Variants in PATJ observed in about 807,000 individuals in gnomAD.
The protein encoded by PATJ is PATJ crumbs cell polarity complex component, also known as inaD-like protein.
A neutral mutation model predicts 224.9 loss-of-function variants in PATJ; 190 were observed. The ratio of observed to expected loss-of-function variants is 0.84; its 90% CI spans 0.75 to 0.95. PATJ has a LOEUF of 0.95. Ranked by LOEUF, PATJ falls within the 40% of genes least tolerant of loss-of-function variation. PATJ has a pLI of 0.00. For synonymous variants in PATJ, 769 were observed against 820.3 expected, an observed-to-expected ratio of 0.94 and a Z score of 1.07; for missense variants, 2,121 against 2,270.3, an observed-to-expected ratio of 0.93 and a Z score of 1.34.
chr1:61,830,893 A>G (rs1156970092), intron 16 of PATJ, among the ~76,000 whole-genome samples: 1 of 152,174 alleles, frequency 6.6e-6, no homozygotes, highest in East Asian at 1.9e-4. Flanking sequence ...ACATGGATTA[A>G]AGACTTAAAT....
At chr1:61,883,448 G>T (rs765275178) in intron 21 of PATJ, among the ~76,000 whole-genome samples, 24 of 152,032 alleles carry the variant, frequency 1.6e-4, no homozygotes, top group Non-Finnish European at 2.6e-4. Flanking sequence ...TTTGATGTGA[G>T]AATTAAATGA....
chr1:61,753,980 C>T (rs1293690522), intron 1 of PATJ, among the ~76,000 whole-genome samples: 1 of 152,128 alleles, frequency 6.6e-6, no homozygotes, highest in Non-Finnish European at 1.5e-5. Flanking sequence ...TAAAAAGCCA[C>T]AATATTATAA....
chr1:61,775,585 AT>A (rs968749974), intron 7 of PATJ, among the ~76,000 whole-genome samples: 1 of 151,984 alleles, frequency 6.6e-6, no homozygotes, highest in Non-Finnish European at 1.5e-5. Context: ...TCAGAGGACA[AT>A]TTTTTTTATT....
intron 4 of PATJ, among the ~76,000 whole-genome samples, chr1:61,767,049 C>G (rs1174128485): frequency 6.6e-6 from 1 of 151,930 alleles, no homozygotes; most frequent in East Asian, 1.9e-4. Context: ...GCCGAGATTG[C>G]GCCACTGTAC....
intron 35 of PATJ, 179 bp downstream of exon 35, chr1:62,114,425 A>C (rs1262120240): frequency 5.0e-6 from 3 of 599,246 alleles, no homozygotes; most frequent in Non-Finnish European, 8.6e-6. Context: ...AAAAATTGTC[A>C]TATCAAGATA....
intron 30 of PATJ, chr1:62,039,237 A>AT (rs1651011801): frequency 2.8e-6 from 1 of 360,222 alleles, no homozygotes; most frequent in South Asian, 2.9e-5. Context: ...GCACTTTTCT[A>AT]TTTACTTAAG....
At chr1:61,948,274 G>GCATC (rs1168985548) in intron 27 of PATJ, among the ~76,000 whole-genome samples, 1 of 152,220 alleles carries the variant, frequency 6.6e-6, no homozygotes, top group East Asian at 1.9e-4. Context: ...GAGTGAACAG[G>GCATC]CATCCTACAG....
intron 14 of PATJ, among the ~76,000 whole-genome samples, chr1:61,819,810 A>G (rs1349564164): frequency 6.6e-6 from 1 of 152,122 alleles, no homozygotes; most frequent in African/African-American, 2.4e-5. Context: ...CACTTGTCCC[A>G]CCTGCATTTA....
At chr1:61,924,441 A>C (rs914297123) in intron 26 of PATJ, among the ~76,000 whole-genome samples, 14 of 152,206 alleles carry the variant, frequency 9.2e-5, no homozygotes, top group Non-Finnish European at 1.8e-4. Context: ...GGTTTTCTTC[A>C]GTGTTATTTC....
chr1:62,017,755 AAAG>A (rs1296684820), intron 28 of PATJ, 98 bp from the exon 29 acceptor site: 2 of 653,644 alleles, frequency 3.1e-6, no homozygotes, highest in African/African-American at 3.7e-5. Context: ...AAAGAAAAGA[AAAG>A]AAAAGAAATT....
intron 35 of PATJ, 104 bp from the exon 36 acceptor site, chr1:62,116,425 GGAA>G: frequency 1.5e-6 from 2 of 1,311,286 alleles, no homozygotes; most frequent in South Asian, 3.0e-5. Context: ...AAACAAAACT[GGAA>G]GAAGAAAGGA....
chr1:62,027,680 G>T (rs1396799447), intron 29 of PATJ, among the ~76,000 whole-genome samples: 2 of 143,252 alleles, frequency 1.4e-5, no homozygotes, highest in Admixed American at 7.1e-5. Flanking sequence ...TGAGTGTAAG[G>T]TGGTATCTCA....
intron 41 of PATJ, among the ~76,000 whole-genome samples, chr1:62,146,728 G>T (rs561730828): frequency 8.6e-5 from 13 of 152,008 alleles, no homozygotes; most frequent in Non-Finnish European, 1.9e-4. Flanking sequence ...GGTGAGCCAA[G>T]ATCACGCCAT....
rs181511339 is a variant in PATJ, at chr1:61,866,282, A to G, written c.2835+1649A>G. Among the ~76,000 whole-genome samples the G allele has an allele frequency of 1.4e-4, 22 of 152,358 alleles. No homozygotes were observed. In the East Asian group the frequency reaches 4.2e-3, roughly 29 times the overall value. On this transcript the variant is annotated intron_variant, in intron 20 of 43. Transcript: ENST00000642238. ...GTACCCAAATAAAAGGCAACCTGAA[A>G]TACCAGTTCATATATAAACTTTGAA... is the stretch of plus-strand genomic sequence containing the variant.
At chr1:61,801,233 C>T (rs1357389577) in intron 11 of PATJ, among the ~76,000 whole-genome samples, 3 of 152,186 alleles carry the variant, frequency 2.0e-5, no homozygotes, top group Non-Finnish European at 2.9e-5. Context: ...ACATCCTCTC[C>T]AGCACCTGTT....
chr1:62,148,322 G>A lies in PATJ; in HGVS notation c.5310G>A (p.Gln1770=). The A allele has an allele frequency of 6.2e-7, 1 of 1,613,878 alleles. No individual in the cohort carries two copies. Among genetic ancestry groups the A allele is most frequent in the South Asian group, 1.1e-5 (1 of 91,064 alleles). The change falls in exon 42 of 44, where the codon CAG becomes CAA. Residue 1770 remains glutamine (Q), a synonymous_variant. Coordinates refer to ENST00000642238, the MANE Select transcript of PATJ (RefSeq NM_001350145.3). ...CCAATATAAGCGCCATAGCAGCTCA[G>A]CTTGAAAACATGTCTACAGGCTACC... The part of the protein sequence containing the change: ...ADTNISAIAA[Q]LENMSTGYHL...
chr1:61,905,736 A>G (rs1291564572), intron 24 of PATJ, among the ~76,000 whole-genome samples: 1 of 152,124 alleles, frequency 6.6e-6, no homozygotes, highest in African/African-American at 2.4e-5. Context: ...AAGTTTCTCC[A>G]TATTCTTACC....
At chr1:62,089,965 C>A (rs2148786480) in intron 33 of PATJ, among the ~76,000 whole-genome samples, 1 of 152,280 alleles carries the variant, frequency 6.6e-6, no homozygotes, top group East Asian at 1.9e-4. Flanking sequence ...ATTAAGATTT[C>A]TGTGTCTTCT....
chr1:61,884,541 C>A, intron 22 of PATJ, 133 bp downstream of exon 22: 1 of 642,366 alleles, frequency 1.6e-6, no homozygotes, highest in Non-Finnish European at 2.4e-6. Context: ...ATAAAATCCA[C>A]TATATTTGAC....
Sources: gnomAD v4.1 joint callset for allele counts (sites outside exome capture counted in the v4.1 genomes callset) on GRCh38, gnomAD v4.1.1 for gene constraint, MANE v1.5 for transcripts, NCBI Gene and HGNC (gene_info 2026-07-23, HGNC 2026-07-21) for gene names.